The following LTBP1 variants were observed in gnomAD, a reference collection of about 807,000 sequenced individuals.
LTBP1 encodes latent-transforming growth factor beta-binding protein 1.
A neutral mutation model predicts 207.6 loss-of-function variants in LTBP1; 129 were observed. The ratio of observed to expected loss-of-function variants is 0.62; its 90% confidence interval spans 0.54 to 0.72. LTBP1 has a LOEUF of 0.72. LTBP1 is among the 30% of genes least tolerant of loss of function. LTBP1 has a pLI of 0.00. For missense variants in LTBP1, 2,281 were observed against 2,217.2 expected (o/e 1.03, Z -0.58); for synonymous variants, 963 against 833.7 (o/e 1.16, Z -2.67).
At chr2:33,279,057 TG>T (rs1459342471) in intron 18 of LTBP1, among the ~76,000 whole-genome samples, 1 of 152,220 alleles carries the variant, frequency 6.6e-6, no homozygotes, top group Non-Finnish European at 1.5e-5. Context: ...TTTCTTTTTT[TG>T]TTTCTCTAGT....
chr2:33,079,965 G>A (rs1572535440), intron 3 of LTBP1, among the ~76,000 whole-genome samples: 1 of 151,958 alleles, frequency 6.6e-6, no homozygotes, highest in East Asian at 1.9e-4. Flanking sequence ...ATGACTAGCA[G>A]CAATGAAAAG....
intron 3 of LTBP1, among the ~76,000 whole-genome samples, chr2:33,081,525 C>T (rs970838265): frequency 6.6e-6 from 1 of 152,040 alleles, no homozygotes; most frequent in African/African-American, 2.4e-5. Context: ...ATTCCGTGCT[C>T]AATCCATCAG....
chr2:33,212,531 T>C (rs967872522), intron 7 of LTBP1, among the ~76,000 whole-genome samples: 1 of 152,218 alleles, frequency 6.6e-6, no homozygotes, highest in African/African-American at 2.4e-5. Flanking sequence ...CACAGAACCT[T>C]AGACCTTGCA....
chr2:33,165,285 A>G (rs1434904484), intron 5 of LTBP1, among the ~76,000 whole-genome samples: 1 of 152,220 alleles, frequency 6.6e-6, no homozygotes, highest in African/African-American at 2.4e-5. Flanking sequence ...TAATAGCTTG[A>G]ACTTGGACAA....
rs368020312 is a variant in LTBP1 at position 33,226,376 on chromosome 2, G to GC, written c.1876+4227dup. ...GATCCTGGCATACCCCAAAGTTGGG[G>GC]CCTAGCCTGAGAGGGTTTTTGGCTC... On this transcript the variant is annotated intron_variant, in intron 9 of 33. Transcript: ENST00000404816. Among the ~76,000 whole-genome samples the GC allele has an allele frequency of 2.0e-3, 299 of 152,316 alleles. 2 individuals carry two copies. The highest frequency in any genetic ancestry group is 6.6e-3 in the African/African-American group (275 of 41,566).
At chr2:33,164,763 T>G (rs999757524) in intron 5 of LTBP1, among the ~76,000 whole-genome samples, 1 of 152,212 alleles carries the variant, frequency 6.6e-6, no homozygotes, top group South Asian at 2.1e-4. Context: ...ATTCCAACGA[T>G]TGACATTCAT....
At chr2:33,199,061 C>T (rs1399100425) in intron 7 of LTBP1, among the ~76,000 whole-genome samples, 3 of 152,122 alleles carry the variant, frequency 2.0e-5, no homozygotes, top group Admixed American at 6.6e-5. Context: ...CCTCTACACA[C>T]TGCTTCGAAT....
At chr2:33,229,011 A>G (rs1417774066) in intron 9 of LTBP1, among the ~76,000 whole-genome samples, 1 of 152,002 alleles carries the variant, frequency 6.6e-6, no homozygotes, top group Non-Finnish European at 1.5e-5. Context: ...AACCAGGGTT[A>G]TACTCTCATA....
chr2:33,057,692 G>A (rs991446648), intron 3 of LTBP1, among the ~76,000 whole-genome samples: 27 of 152,350 alleles, frequency 1.8e-4, no homozygotes, highest in Non-Finnish European at 2.9e-4. Context: ...CTCACTGCCC[G>A]GGGCCGGCAC....
chr2:33,240,407 T>C (rs747032511), intron 9 of LTBP1, among the ~76,000 whole-genome samples: 10 of 152,224 alleles, frequency 6.6e-5, no homozygotes, highest in Non-Finnish European at 1.2e-4. Context: ...ATGCGTTCAG[T>C]TCAACCAATG....
At chr2:33,271,735 A>T (rs1034745377) in intron 15 of LTBP1, among the ~76,000 whole-genome samples, 1 of 152,182 alleles carries the variant, frequency 6.6e-6, no homozygotes, top group Non-Finnish European at 1.5e-5. Context: ...TGTGTATTGT[A>T]GTATAATGGA....
intron 3 of LTBP1, among the ~76,000 whole-genome samples, chr2:33,065,461 G>A (rs967061666): frequency 4.6e-5 from 7 of 152,046 alleles, no homozygotes; most frequent in Admixed American, 2.6e-4. Context: ...GGCAGATGTC[G>A]GAGGATTACT....
intron 20 of LTBP1, among the ~76,000 whole-genome samples, chr2:33,299,134 C>T (rs188178331): frequency 9.3e-5 from 14 of 150,914 alleles, no homozygotes; most frequent in Admixed American, 3.3e-4. Context: ...ATGAGCTGGG[C>T]GGGAGGCTGA....
intron 5 of LTBP1, among the ~76,000 whole-genome samples, chr2:33,152,147 G>A (rs1261619537): frequency 6.6e-6 from 1 of 151,914 alleles, no homozygotes; most frequent in Non-Finnish European, 1.5e-5. Context: ...CAGAGTGGGA[G>A]AAAATCTTCA....
Position 33,126,508 on chromosome 2 carries a change from T to G in LTBP1, c.1034-8285T>G, listed in dbSNP as rs1353727410. Reference sequence around the variant, plus strand: ...TCACAGTGTTCAACAGAAGGGGCACTCTTTTGATGAGAGTCAAAGGAAATG... The same window carrying G: ...TCACAGTGTTCAACAGAAGGGGCACGCTTTTGATGAGAGTCAAAGGAAATG... On this transcript the variant is annotated intron_variant, in intron 4 of 33. Coordinates refer to ENST00000404816, the MANE Select transcript of LTBP1 (RefSeq NM_206943.4). Among the ~76,000 whole-genome samples the G allele has an allele frequency of 1.3e-5, 2 of 152,200 alleles. 1 individual carries two copies. Among genetic ancestry groups the G allele is most frequent in the African/African-American group, 4.8e-5 (2 of 41,456 alleles).
chr2:32,960,415 GAA>G (rs1678906023), intron 2 of LTBP1, among the ~76,000 whole-genome samples: 1 of 152,044 alleles, frequency 6.6e-6, no homozygotes, highest in Non-Finnish European at 1.5e-5. Flanking sequence ...ATGAATGAAT[GAA>G]TGAATGAATG....
intron 7 of LTBP1, among the ~76,000 whole-genome samples, chr2:33,202,761 G>T (rs539202876): frequency 3.9e-5 from 6 of 152,314 alleles, no homozygotes; most frequent in Non-Finnish European, 5.9e-5. Flanking sequence ...CATCGCCTAA[G>T]GCCACATGCC....
intron 5 of LTBP1, among the ~76,000 whole-genome samples, chr2:33,181,897 C>G (rs1286493582): frequency 6.6e-6 from 1 of 152,124 alleles, no homozygotes; most frequent in Non-Finnish European, 1.5e-5. Flanking sequence ...CAGAAGGAAA[C>G]TATTCATAGT....
chr2:33,116,482 A>G (rs1334712612), intron 4 of LTBP1, among the ~76,000 whole-genome samples: 2 of 152,286 alleles, frequency 1.3e-5, no homozygotes, highest in South Asian at 4.1e-4. Flanking sequence ...AAATGTACCA[A>G]TTTATCTCCT....
Sources: gnomAD v4.1 joint callset for allele counts (sites outside exome capture counted in the v4.1 genomes callset) on GRCh38, gnomAD v4.1.1 for gene constraint, MANE v1.5 for transcripts, NCBI Gene and HGNC (gene_info 2026-07-23, HGNC 2026-07-21) for gene names.